Variants in DDX19A observed in about 807,000 individuals in gnomAD.
DDX19A encodes the protein ATP-dependent RNA helicase DDX19A.
In DDX19A, 12 loss-of-function variants were observed where a neutral mutation model predicts 60.6. That is an observed-to-expected ratio of 0.20 (90% CI 0.13 to 0.32). The LOEUF is 0.32. Among genes scored for constraint, DDX19A ranks in the 10% least tolerant of loss-of-function variants. DDX19A has a pLI of 1.00. For synonymous variants in DDX19A, 206 were observed against 218.2 expected (o/e 0.94, Z 0.49); for missense variants, 337 against 600.6 (o/e 0.56, Z 4.59).
At chr16:70,367,586 TAA>T (rs577858481) in intron 9 of DDX19A, among the ~76,000 whole-genome samples, 11 of 151,906 alleles carry the variant, frequency 7.2e-5, no homozygotes, top group Middle Eastern at 3.4e-3. Context: ...GATTTTAGAA[TAA>T]AAGAGACACC....
intron 4 of DDX19A, among the ~76,000 whole-genome samples, chr16:70,356,467 C>T (rs986316546): frequency 2.6e-5 from 4 of 152,038 alleles, no homozygotes; most frequent in African/African-American, 9.7e-5. Flanking sequence ...AGCGATTCTC[C>T]TGCCTCAGCC....
At position 70,364,996 on chromosome 16, in the gene DDX19A, C is replaced by A. The variant is rs768522432; in HGVS notation, c.490-21C>A. Reference sequence around the variant, plus strand: ...TACCAAATGGCTCTCCTAAACTCATCCTTTATGATTTTTCTGTCAGTGTCT... The same window carrying A: ...TACCAAATGGCTCTCCTAAACTCATACTTTATGATTTTTCTGTCAGTGTCT... On this transcript the variant is annotated intron_variant, in intron 6 of 11. Transcript: ENST00000302243. 3 of 1,600,932 alleles carry A rather than the reference C, an allele frequency of 1.9e-6. No homozygotes were observed. In the African/African-American group the frequency reaches 4.0e-5, roughly 21 times the overall value.
chr16:70,365,618 TAA>T, intron 7 of DDX19A: 142 of 173,890 alleles, frequency 8.2e-4, no homozygotes, highest in South Asian at 2.4e-3. Context: ...AGACAAAAAA[TAA>T]AAAAAAAAAA....
chr16:70,357,372 T>G (rs55995759), intron 4 of DDX19A, among the ~76,000 whole-genome samples: 2,445 of 32,244 alleles, frequency 0.076, 90 homozygotes, highest in African/African-American at 0.24. Flanking sequence ...GTTTGTTTTT[T>G]TTTTTTTTTT....
chr16:70,353,928 T>C (rs1003837570), intron 2 of DDX19A, among the ~76,000 whole-genome samples: 3 of 150,704 alleles, frequency 2.0e-5, no homozygotes. Flanking sequence ...ACACAGGCTC[T>C]TGCTCTGTCA....
chr16:70,355,647 G>A (rs1420711131), intron 3 of DDX19A, 112 bp downstream of exon 3: 1 of 864,830 alleles, frequency 1.2e-6, no homozygotes, highest in African/African-American at 1.7e-5. Flanking sequence ...AATCAGAGAA[G>A]GAATAGTCAG....
chr16:70,356,875 G>T (rs1443471483), intron 4 of DDX19A: 1 of 1,275,526 alleles, frequency 7.8e-7, no homozygotes, highest in Admixed American at 2.4e-5. Flanking sequence ...GCTGACAGGT[G>T]ATTTCTGGAT....
intron 7 of DDX19A, 51 bp from the exon 8 acceptor site, chr16:70,366,034 G>A: frequency 6.2e-7 from 1 of 1,613,562 alleles, no homozygotes; most frequent in Non-Finnish European, 8.5e-7. Context: ...TTGATTTCCA[G>A]AGCTGGCTTT....
intron 4 of DDX19A, among the ~76,000 whole-genome samples, 173 bp downstream of exon 4, chr16:70,356,420 G>A (rs1332131771): frequency 6.6e-6 from 1 of 151,774 alleles, no homozygotes. Flanking sequence ...GCAATGGCGT[G>A]ATCTCAGCTC....
chr16:70,355,635 G>C, intron 3 of DDX19A, 100 bp downstream of exon 3: 1 of 954,392 alleles, frequency 1.0e-6, no homozygotes, highest in South Asian at 1.3e-5. Context: ...GGAGATGAGA[G>C]GAATCAGAGA....
chr16:70,369,368 C>G (rs1394923288), intron 9 of DDX19A, among the ~76,000 whole-genome samples: 1 of 150,494 alleles, frequency 6.6e-6, no homozygotes, highest in Non-Finnish European at 1.5e-5. Context: ...TTAGCAGAGA[C>G]GGGGTTTCAC....
At chr16:70,354,413 CT>C (rs1964122489) in intron 2 of DDX19A, among the ~76,000 whole-genome samples, 1 of 152,196 alleles carries the variant, frequency 6.6e-6, no homozygotes, top group Non-Finnish European at 1.5e-5. Context: ...TCCCAAAGTG[CT>C]GGAATTACAG....
chr16:70,365,257 C>G (rs1964485690), intron 7 of DDX19A, 126 bp downstream of exon 7: 1 of 549,418 alleles, frequency 1.8e-6, no homozygotes, highest in African/African-American at 1.9e-5. Flanking sequence ...CTGTGTTGCT[C>G]TATTTGAATC....
At chr16:70,351,660 G>A (rs1462463659) in intron 2 of DDX19A, among the ~76,000 whole-genome samples, 1 of 151,824 alleles carries the variant, frequency 6.6e-6, no homozygotes, top group East Asian at 1.9e-4. Flanking sequence ...AAGTAGCTGG[G>A]ACTACAGGCG....
rs1006764086 is a variant in DDX19A at position 70,372,942 on chromosome 16, G to A, written c.*956G>A. 2 of 152,248 alleles carry A rather than the reference G, an allele frequency of 1.3e-5. No individual in the cohort carries two copies. The highest frequency in any genetic ancestry group is 6.5e-5 in the Admixed American group (1 of 15,276). The allele number at this position is 152,248 out of a possible 1,614,324, so 9.4% of individuals were successfully genotyped here. ...TCTGATTCCTACATAATATGAATAAGGATGGATAGGCCGGGCGTGGTGGCT... is the reference window on the plus strand; with the variant it reads ...TCTGATTCCTACATAATATGAATAAAGATGGATAGGCCGGGCGTGGTGGCT... On this transcript the variant is annotated 3_prime_UTR_variant, in exon 12 of 12. Transcript: ENST00000302243.
chr16:70,356,290 TC>T, intron 4 of DDX19A, 43 bp downstream of exon 4: 2 of 1,610,156 alleles, frequency 1.2e-6, no homozygotes, highest in Non-Finnish European at 1.7e-6. Context: ...TGCCAGTCTC[TC>T]CCCACATAAA....
intron 9 of DDX19A, among the ~76,000 whole-genome samples, chr16:70,367,476 T>C (rs372843025): frequency 1.3e-5 from 2 of 151,876 alleles, no homozygotes; most frequent in Non-Finnish European, 2.9e-5. Flanking sequence ...CACACATAGT[T>C]TTCCAGTCTC....
chr16:70,364,873 C>T (rs1245134335), intron 6 of DDX19A, 144 bp from the exon 7 acceptor site: 154 of 708,376 alleles, frequency 2.2e-4, no homozygotes, highest in Non-Finnish European at 2.8e-4. Context: ...CTGCAGGCTT[C>T]AGTCTATGGC....
rs757985371 is a variant in DDX19A, at chr16:70,370,283, C to T, written c.1081C>T (p.Leu361=). ...ELSKEGHQVA[L]LSGEMMVEQR... ...CTCAAAAGAAGGCCACCAGGTGGCT[C>T]TGCTGAGTGGGGAGATGATGGTGGA... The change falls in exon 10 of 12, where the codon CTG becomes TTG. Residue 361 remains leucine, a synonymous_variant. Coordinates refer to ENST00000302243, the MANE Select transcript of DDX19A (RefSeq NM_018332.5). 8.7e-6 allele frequency: 14 copies of T among 1,614,006 alleles called. No individual in the cohort carries two copies. The Admixed American group carries it at 2.3e-4, about 27-fold the overall frequency.
Sources: gnomAD v4.1 joint callset for allele counts (sites outside exome capture counted in the v4.1 genomes callset) on GRCh38, gnomAD v4.1.1 for gene constraint, MANE v1.5 for transcripts, NCBI Gene and HGNC (gene_info 2026-07-23, HGNC 2026-07-21) for gene names.